The following FHIT variants were observed in gnomAD, a reference collection of about 807,000 sequenced individuals.
The protein encoded by FHIT is fragile histidine triad diadenosine triphosphatase, also known as bis(5'-adenosyl)-triphosphatase.
In FHIT, 19 loss-of-function variants were observed where a neutral mutation model predicts 17.9. The observed-to-expected ratio is 1.06, with a 90% confidence interval of 0.74 to 1.56. The LOEUF is 1.56. FHIT is among the 40% of genes most tolerant of loss of function. The pLI is 0.00. For missense variants in FHIT, 248 were observed against 189.2 expected, an observed-to-expected ratio of 1.31 and a Z score of -1.82; for synonymous variants, 81 against 69.7, an observed-to-expected ratio of 1.16 and a Z score of -0.81.
At chr3:60,387,907 T>C (rs1701073435) in intron 5 of FHIT, among the ~76,000 whole-genome samples, 1 of 152,102 alleles carries the variant, frequency 6.6e-6, no homozygotes, top group Non-Finnish European at 1.5e-5. Context: ...TTGGTGCTAT[T>C]CTCAAAGGAG....
chr3:60,868,343 G>T (rs1281530589), intron 3 of FHIT, among the ~76,000 whole-genome samples: 1 of 152,076 alleles, frequency 6.6e-6, no homozygotes, highest in Non-Finnish European at 1.5e-5. Flanking sequence ...TTCCTTCAAA[G>T]CTATCCCATT....
intron 2 of FHIT, among the ~76,000 whole-genome samples, chr3:61,066,469 G>T (rs927267354): frequency 6.6e-6 from 1 of 152,118 alleles, no homozygotes; most frequent in Admixed American, 6.6e-5. Flanking sequence ...CAAAAAATTA[G>T]CCTTGCGTAG....
At chr3:60,601,501 C>A (rs937936079) in intron 4 of FHIT, among the ~76,000 whole-genome samples, 26 of 152,216 alleles carry the variant, frequency 1.7e-4, no homozygotes, top group African/African-American at 6.0e-4. Context: ...ATAGGGAAGA[C>A]AAACTAGTGT....
In FHIT at chr3:60,955,612, A is replaced by ATGTATATATATATATGTG. The variant is rs1559862309; in HGVS notation, c.-111+86434_-111+86435insCACATATATATATATACA. ...CATATATATACATATATATATATAT[A>ATGTATATATATATATGTG]TATATATATATATATATATATACAC... is the stretch of plus-strand genomic sequence containing the variant. On this transcript the variant is annotated intron_variant, in intron 3 of 9. Coordinates refer to ENST00000492590, the MANE Select transcript of FHIT (RefSeq NM_002012.4). 1.5e-3 allele frequency among the ~76,000 whole-genome samples: 15 copies of ATGTATATATATATATGTG among 9,748 alleles called. 2 individuals carry two copies. Among genetic ancestry groups the ATGTATATATATATATGTG allele is most frequent in the South Asian group, 9.3e-3 (1 of 108 alleles). The allele number at this position is 9,748 out of a possible 152,430, so 6.4% of individuals were successfully genotyped here.
At chr3:61,051,766 C>T (rs2034037252) in intron 2 of FHIT, among the ~76,000 whole-genome samples, 1 of 152,080 alleles carries the variant, frequency 6.6e-6, no homozygotes, top group Admixed American at 6.5e-5. Context: ...GTATAAAGTT[C>T]TGGAAGCTAA....
chr3:60,306,949 ACTT>A (rs1436510121), intron 5 of FHIT, among the ~76,000 whole-genome samples: 1 of 152,126 alleles, frequency 6.6e-6, no homozygotes, highest in Non-Finnish European at 1.5e-5. Flanking sequence ...TCTATGCTGC[ACTT>A]CTTTTATAAT....
intron 8 of FHIT, among the ~76,000 whole-genome samples, chr3:59,836,546 T>A (rs1220255333): frequency 6.6e-6 from 1 of 152,194 alleles, no homozygotes; most frequent in East Asian, 1.9e-4. Context: ...GCCCTGCGGT[T>A]TGCCTTCTGC....
At chr3:60,656,580 C>G (rs559583869) in intron 4 of FHIT, among the ~76,000 whole-genome samples, 2 of 152,154 alleles carry the variant, frequency 1.3e-5, no homozygotes. Context: ...GCGCTCAATA[C>G]GTGAAATGAT....
chr3:61,162,580 T>C (rs1335743718), intron 2 of FHIT, among the ~76,000 whole-genome samples: 2 of 152,216 alleles, frequency 1.3e-5, no homozygotes, highest in Non-Finnish European at 2.9e-5. Context: ...ACATATATTA[T>C]GATTCAAGCA....
At chr3:60,180,827 C>T (rs1701897839) in intron 5 of FHIT, among the ~76,000 whole-genome samples, 2 of 152,060 alleles carry the variant, frequency 1.3e-5, no homozygotes, top group African/African-American at 4.8e-5. Flanking sequence ...CTCTAAATTA[C>T]TGGATTGCAA....
At chr3:60,077,235 T>A (rs558938234) in intron 5 of FHIT, 16 of 152,132 alleles carry the variant, frequency 1.1e-4, no homozygotes, top group African/African-American at 3.9e-4. Context: ...ATTTTTAATA[T>A]ATAAACTGAG....
intron 5 of FHIT, among the ~76,000 whole-genome samples, chr3:60,059,176 G>A (rs370840503): frequency 7.9e-5 from 12 of 152,132 alleles, no homozygotes; most frequent in African/African-American, 1.2e-4. Flanking sequence ...GGGAAAGACC[G>A]TCTTCCTATA....
In FHIT at chr3:60,011,418, C is replaced by A. The variant is rs370197096; in HGVS notation, c.250-18G>T. 4 of 1,611,284 alleles carry A rather than the reference C, an allele frequency of 2.5e-6. No individual in the cohort carries two copies. In the African/African-American group the frequency reaches 4.0e-5, roughly 16 times the overall value. ...GGGCCATCCTAGAAGTAGGAAAAAA[C>A]CAACAGAGGTGAGAATAGATAGATG... On this transcript the variant is annotated intron_variant, in intron 6 of 9. Transcript: ENST00000492590.
In FHIT at chr3:59,760,063, TC is replaced by T. The variant is rs111907469; in HGVS notation, c.349-7743del. Among the ~76,000 whole-genome samples the T allele has an allele frequency of 1.4e-3, 216 of 152,322 alleles. 1 individual carries two copies. Among genetic ancestry groups the T allele is most frequent in the African/African-American group, 5.0e-3 (206 of 41,566 alleles). On this transcript the variant is annotated intron_variant, in intron 8 of 9. Coordinates refer to ENST00000492590, the MANE Select transcript of FHIT (RefSeq NM_002012.4). ...GAAAGTTCAAAAGCCCAGTTCCTCC[TC>T]CTTTTCTGAACAGAAATTCAAGTAA... is the stretch of plus-strand genomic sequence containing the variant.
At chr3:61,237,875 C>T (rs532702311) in intron 1 of FHIT, among the ~76,000 whole-genome samples, 1 of 152,316 alleles carries the variant, frequency 6.6e-6, no homozygotes, top group South Asian at 2.1e-4. Context: ...ATAATGGGCT[C>T]TTATTTATAA....
intron 3 of FHIT, among the ~76,000 whole-genome samples, chr3:60,833,776 T>C (rs1257711378): frequency 6.6e-6 from 1 of 152,168 alleles, no homozygotes; most frequent in Non-Finnish European, 1.5e-5. Flanking sequence ...TGCTCTTTAA[T>C]AGCCACACCC....
chr3:61,030,875 G>A (rs75427516), intron 3 of FHIT, among the ~76,000 whole-genome samples: 3,652 of 152,256 alleles, frequency 0.024, 145 homozygotes, highest in African/African-American at 0.083. Context: ...CCTAGGGCAG[G>A]TCTGTTTCCA....
Position 60,167,128 on chromosome 3 carries a change from G to A in FHIT, c.104-152976C>T, listed in dbSNP as rs77972683. Among the ~76,000 whole-genome samples the A allele has an allele frequency of 6.1e-4, 93 of 152,172 alleles. 1 individual carries two copies. The highest frequency in any genetic ancestry group is 2.2e-3 in the African/African-American group (90 of 41,538). ...AAGACTGTCTTTCCCCCCTTTCTAA[G>A]AGTTCTGCCTCATTAACCTCTTATC... is the stretch of plus-strand genomic sequence containing the variant. On this transcript the variant is annotated intron_variant, in intron 5 of 9. Coordinates refer to ENST00000492590, the MANE Select transcript of FHIT (RefSeq NM_002012.4).
At chr3:60,195,246 G>C (rs966740589) in intron 5 of FHIT, among the ~76,000 whole-genome samples, 1 of 151,930 alleles carries the variant, frequency 6.6e-6, no homozygotes, top group African/African-American at 2.4e-5. Context: ...TTATTAAAAA[G>C]TCCAGAAACA....
Sources: allele counts gnomAD v4.1 joint callset (sites outside exome capture counted in the v4.1 genomes callset), GRCh38; gene constraint gnomAD v4.1.1; transcripts MANE v1.5; gene names NCBI Gene and HGNC (gene_info 2026-07-23, HGNC 2026-07-21).